Variants in PHF21A observed in about 807,000 individuals in gnomAD.
PHF21A encodes the protein PHD finger protein 21A.
Under a neutral mutation model 82.5 loss-of-function variants are expected in PHF21A, and 11 were observed. The observed-to-expected ratio is 0.13, with a 90% CI of 0.08 to 0.22. PHF21A has a LOEUF of 0.22. Among genes scored for constraint, PHF21A ranks in the 10% least tolerant of loss-of-function variants. The pLI is 1.00. For synonymous variants in PHF21A, 297 were observed against 302.8 expected, an observed-to-expected ratio of 0.98 and a Z score of 0.20; for missense variants, 579 against 837.8, an observed-to-expected ratio of 0.69 and a Z score of 3.81.
At chr11:46,034,095 C>G (rs907080130) in intron 6 of PHF21A, among the ~76,000 whole-genome samples, 1 of 152,084 alleles carries the variant, frequency 6.6e-6, no homozygotes, top group Non-Finnish European at 1.5e-5. Flanking sequence ...TTTTAAATCT[C>G]ATTTTCCTCA....
chr11:46,051,816 G>A (rs2096371469), intron 6 of PHF21A, among the ~76,000 whole-genome samples: 1 of 152,108 alleles, frequency 6.6e-6, no homozygotes, highest in South Asian at 2.1e-4. Context: ...TGATGGGGGT[G>A]GGGAAACATG....
intron 6 of PHF21A, among the ~76,000 whole-genome samples, chr11:46,009,988 C>G (rs2095379970): frequency 6.6e-6 from 1 of 152,162 alleles, no homozygotes; most frequent in South Asian, 2.1e-4. Context: ...CAGCTTCTAA[C>G]AAAAGATTAT....
intron 6 of PHF21A, among the ~76,000 whole-genome samples, chr11:46,060,249 C>T (rs999543600): frequency 5.3e-5 from 8 of 152,112 alleles, no homozygotes; most frequent in Admixed American, 3.9e-4. Flanking sequence ...CCTCCCATCT[C>T]AGCCTACCAA....
chr11:46,065,794 G>C (rs753244051), intron 6 of PHF21A, among the ~76,000 whole-genome samples: 1 of 152,226 alleles, frequency 6.6e-6, no homozygotes, highest in African/African-American at 2.4e-5. Flanking sequence ...GTGTATAAGG[G>C]TGAAGGGATC....
In PHF21A at chr11:46,093,085, A is replaced by C. The variant is rs149410030; in HGVS notation, c.-236-862T>G. On this transcript the variant is annotated intron_variant, in intron 1 of 18. Coordinates refer to ENST00000676320, the MANE Select transcript of PHF21A (RefSeq NM_001352027.3). ...CTTACCACTTTAGATTGTAAACCACATACACAAAAGCTATTTGTTTCTATG... is the reference window on the plus strand; with the variant it reads ...CTTACCACTTTAGATTGTAAACCACCTACACAAAAGCTATTTGTTTCTATG... 2.0e-3 allele frequency among the ~76,000 whole-genome samples: 303 copies of C among 152,296 alleles called. 1 individual carries two copies. The highest frequency in any genetic ancestry group is 6.8e-3 in the African/African-American group (283 of 41,554).
intron 10 of PHF21A, among the ~76,000 whole-genome samples, chr11:45,955,117 C>T (rs1280638823): frequency 2.0e-5 from 3 of 152,200 alleles, no homozygotes; most frequent in Non-Finnish European, 4.4e-5. Context: ...CCCCTTTATA[C>T]TAAACGCTAT....
At chr11:46,102,522 C>T (rs1461589892) in intron 1 of PHF21A, among the ~76,000 whole-genome samples, 2 of 152,162 alleles carry the variant, frequency 1.3e-5, no homozygotes, top group Non-Finnish European at 2.9e-5. Context: ...TTTAGCAATT[C>T]ACAACACCAA....
At chr11:45,949,512 AGAGGCATG>A in intron 12 of PHF21A, 31 bp from the exon 13 acceptor site, 1 of 1,555,292 alleles carries the variant, frequency 6.4e-7, no homozygotes, top group Non-Finnish European at 8.9e-7. Flanking sequence ...TCATTAGCAG[AGAGGCATG>A]GAGAACCTAA....
chr11:46,119,143 ATCTGAT>A (rs1193949493), intron 1 of PHF21A, among the ~76,000 whole-genome samples: 1 of 151,940 alleles, frequency 6.6e-6, no homozygotes, highest in African/African-American at 2.4e-5. Context: ...GCCCAAATTA[ATCTGAT>A]TCTAATATTC....
intron 11 of PHF21A, among the ~76,000 whole-genome samples, chr11:45,953,141 C>T (rs2092321046): frequency 6.6e-6 from 1 of 152,144 alleles, no homozygotes; most frequent in South Asian, 2.1e-4. Context: ...TACACATTAG[C>T]TGAGTGAACT....
intron 15 of PHF21A, among the ~76,000 whole-genome samples, chr11:45,941,138 AC>A (rs1406676422): frequency 1.3e-5 from 2 of 152,018 alleles, no homozygotes; most frequent in Non-Finnish European, 2.9e-5. Flanking sequence ...TGGCTCTGTC[AC>A]CCAGGCTGGA....
At chr11:45,976,344 A>T (rs2094021204) in intron 7 of PHF21A, among the ~76,000 whole-genome samples, 1 of 152,070 alleles carries the variant, frequency 6.6e-6, no homozygotes. Context: ...TACATCTTAA[A>T]TTTTTTTAAT....
chr11:46,019,174 G>A (rs1252209307), intron 6 of PHF21A, among the ~76,000 whole-genome samples: 5 of 151,094 alleles, frequency 3.3e-5, no homozygotes, highest in Admixed American at 6.6e-5. Context: ...TTGGTTTTTC[G>A]CTTTATCTTC....
At chr11:46,024,739 G>A (rs1313829463) in intron 6 of PHF21A, among the ~76,000 whole-genome samples, 1 of 152,146 alleles carries the variant, frequency 6.6e-6, no homozygotes, top group Non-Finnish European at 1.5e-5. Context: ...GGTGAAGGTT[G>A]CAGTGAGCCA....
At chr11:45,979,170 C>T (rs539236379) in intron 7 of PHF21A, among the ~76,000 whole-genome samples, 1 of 152,026 alleles carries the variant, frequency 6.6e-6, no homozygotes, top group African/African-American at 2.4e-5. Flanking sequence ...GCGCCTGCTA[C>T]CAGGCCTGGC....
chr11:45,947,281 G>A (rs1467847951), intron 14 of PHF21A, among the ~76,000 whole-genome samples: 3 of 152,086 alleles, frequency 2.0e-5, no homozygotes, highest in Admixed American at 6.5e-5. Flanking sequence ...TCTAAGCTAT[G>A]AGTGATCAAA....
intron 15 of PHF21A, among the ~76,000 whole-genome samples, chr11:45,940,536 T>TA (rs956454898): frequency 6.6e-6 from 1 of 152,138 alleles, no homozygotes; most frequent in African/African-American, 2.4e-5. Context: ...CACTGGACAG[T>TA]AAAAAAGATA....
chr11:45,965,348 A>G lies in PHF21A; in HGVS notation c.963T>C (p.Thr321=), dbSNP rs763991894. ...TPGTRLAGPQ[T]VQLSKPSLEK... ...CAAGACTTGGCTTGCTAAGCTGTAC[A>G]GTTTGAGGTCCAGCGAGTCTGGTCC... The change falls in exon 10 of 19, where the codon ACT becomes ACC. Residue 321 remains threonine (T), a synonymous_variant. Transcript: ENST00000676320. 29 of 1,613,776 alleles carry G rather than the reference A, an allele frequency of 1.8e-5. No homozygotes were observed. Among genetic ancestry groups the G allele is most frequent in the Non-Finnish European group, 2.1e-5 (25 of 1,179,926 alleles).
intron 1 of PHF21A, among the ~76,000 whole-genome samples, chr11:46,118,417 T>TA (rs10718245): frequency 0.019 from 2,445 of 131,484 alleles, 69 homozygotes; most frequent in African/African-American, 0.064. Context: ...AGTCTGATGT[T>TA]AAAAAAAAAA....
Sources: allele counts gnomAD v4.1 joint callset (sites outside exome capture counted in the v4.1 genomes callset), GRCh38; gene constraint gnomAD v4.1.1; transcripts MANE v1.5; gene names NCBI Gene and HGNC (gene_info 2026-07-23, HGNC 2026-07-21).